DOCK7: variants seen among roughly 807,000 people sequenced by gnomAD.
DOCK7 encodes the protein dedicator of cytokinesis protein 7.
A neutral mutation model predicts 271.0 loss-of-function variants in DOCK7; 138 were observed. That is an observed-to-expected ratio of 0.51 (90% CI 0.44 to 0.59). The LOEUF is 0.59. Among genes scored for constraint, DOCK7 ranks in the 20% least tolerant of loss-of-function variants. DOCK7 has a pLI of 0.00. For synonymous variants in DOCK7, 823 were observed against 876.1 expected (o/e 0.94, Z 1.07); for missense variants, 2,066 against 2,592.4 (o/e 0.80, Z 4.41).
intron 37 of DOCK7, among the ~76,000 whole-genome samples, chr1:62,503,907 C>A (rs899012252): frequency 1.3e-5 from 2 of 151,942 alleles, no homozygotes; most frequent in East Asian, 3.9e-4. Context: ...ATTAGCTGGG[C>A]GTGGTGGCGG....
At chr1:62,610,609 C>T (rs1651647846) in intron 14 of DOCK7, among the ~76,000 whole-genome samples, 1 of 152,088 alleles carries the variant, frequency 6.6e-6, no homozygotes, top group South Asian at 2.1e-4. Context: ...AATGCTATCC[C>T]TCCCCTAGCC....
In DOCK7 at chr1:62,670,071, T is replaced by C. The variant is rs527919374; in HGVS notation, c.39-6941A>G. Among the ~76,000 whole-genome samples the C allele has an allele frequency of 8.5e-5, 13 of 152,366 alleles. No homozygotes were observed. The East Asian group carries it at 2.5e-3, about 29-fold the overall frequency. On this transcript the variant is annotated intron_variant, in intron 1 of 49. Coordinates refer to ENST00000635253, the MANE Select transcript of DOCK7 (RefSeq NM_001367561.1). ...GAGGGTGTACTGGGTCCCCCAGCAG[T>C]GCCGGCCCACCGGTGCTGCGCTCGA...
intron 49 of DOCK7, among the ~76,000 whole-genome samples, chr1:62,456,183 T>C (rs1393037058): frequency 1.3e-5 from 2 of 152,222 alleles, no homozygotes; most frequent in African/African-American, 4.8e-5. Flanking sequence ...ATGAAATTAG[T>C]TTTGACTTAG....
intron 14 of DOCK7, among the ~76,000 whole-genome samples, chr1:62,590,616 C>T (rs1001754583): frequency 2.0e-5 from 3 of 152,054 alleles, no homozygotes; most frequent in Admixed American, 2.0e-4. Flanking sequence ...ATGATAAATG[C>T]TGTGAACACA....
At chr1:62,478,107 GTT>G (rs1315761847) in intron 43 of DOCK7, 1 of 275,766 alleles carries the variant, frequency 3.6e-6, no homozygotes, top group African/African-American at 2.2e-5. Flanking sequence ...ATTGGTCTAT[GTT>G]TTTTAAATCT....
At chr1:62,669,910 G>C (rs555542925) in intron 1 of DOCK7, among the ~76,000 whole-genome samples, 28 of 152,300 alleles carry the variant, frequency 1.8e-4, no homozygotes, top group African/African-American at 6.7e-4. Flanking sequence ...AGCGGGAACC[G>C]GGGCTGTGTG....
At chr1:62,475,082 G>C in intron 47 of DOCK7, 126 bp downstream of exon 47, 1 of 1,061,080 alleles carries the variant, frequency 9.4e-7, no homozygotes, top group Non-Finnish European at 1.3e-6. Context: ...GATCGCATAG[G>C]TAGAAAAATA....
intron 43 of DOCK7, chr1:62,481,612 G>A (rs995402180): frequency 7.3e-5 from 11 of 150,682 alleles, no homozygotes; most frequent in African/African-American, 2.4e-4. Flanking sequence ...TTTCTTTACT[G>A]TTATGAATCC....
intron 31 of DOCK7, among the ~76,000 whole-genome samples, chr1:62,521,271 T>A (rs1399465596): frequency 6.6e-6 from 1 of 151,834 alleles, no homozygotes; most frequent in East Asian, 1.9e-4. Flanking sequence ...GGGAAAAAAA[T>A]GTTACATATA....
At chr1:62,549,837 T>A (rs1645835413) in intron 22 of DOCK7, among the ~76,000 whole-genome samples, 1 of 152,150 alleles carries the variant, frequency 6.6e-6, no homozygotes, top group Non-Finnish European at 1.5e-5. Context: ...CCCTTCCCAG[T>A]CTTTGGTAAC....
chr1:62,671,398 A>G (rs1335685462), intron 1 of DOCK7, among the ~76,000 whole-genome samples: 4 of 152,196 alleles, frequency 2.6e-5, no homozygotes, highest in African/African-American at 4.8e-5. Flanking sequence ...GAATGGAACA[A>G]CTTACGAGAG....
chr1:62,537,360 G>T (rs1212618568), intron 28 of DOCK7, among the ~76,000 whole-genome samples: 1 of 151,936 alleles, frequency 6.6e-6, no homozygotes, highest in East Asian at 1.9e-4. Context: ...GAGGCCGGCA[G>T]ATCAAGAGGT....
chr1:62,661,097 G>GA (rs759373674), intron 2 of DOCK7, among the ~76,000 whole-genome samples: 1,253 of 116,384 alleles, frequency 0.011, 7 homozygotes, highest in Middle Eastern at 0.023. Context: ...GAACCTGTCT[G>GA]AAAAAAAAAA....
chr1:62,547,265 C>T (rs902313473), intron 22 of DOCK7, among the ~76,000 whole-genome samples: 1 of 152,152 alleles, frequency 6.6e-6, no homozygotes, highest in Non-Finnish European at 1.5e-5. Flanking sequence ...TTCCATAATT[C>T]AGGTGTTATA....
chr1:62,489,952 C>T (rs1021614594), intron 41 of DOCK7, among the ~76,000 whole-genome samples: 1 of 152,046 alleles, frequency 6.6e-6, no homozygotes, highest in African/African-American at 2.4e-5. Flanking sequence ...TTTTGAGCCA[C>T]CAGATTTCCT....
In DOCK7 at chr1:62,539,848, C is replaced by T; in HGVS notation, c.3090G>A (p.Glu1030=). 1 of 1,613,176 alleles carries T rather than the reference C, an allele frequency of 6.2e-7. No individual in the cohort carries two copies. The highest frequency in any genetic ancestry group is 1.3e-5 in the African/African-American group (1 of 74,958). Residue 1030 remains glutamate, a synonymous_variant, in exon 26 of 50, where the codon GAG becomes GAA. Transcript: ENST00000635253. ...VHHLYFNDKL[E]APRKSRFPER... is the part of the protein sequence containing the mutation. Reference sequence around the variant, plus strand: ...CTGGAAAACGACTTTTCCTTGGAGCCTCAAGTTTATCATTAAAGTATAAAT... The same window carrying T: ...CTGGAAAACGACTTTTCCTTGGAGCTTCAAGTTTATCATTAAAGTATAAAT...
At chr1:62,513,273 G>T in intron 33 of DOCK7, among the ~76,000 whole-genome samples, 171 bp downstream of exon 33, 1 of 126,578 alleles carries the variant, frequency 7.9e-6, no homozygotes. Flanking sequence ...GGGGCGGTAT[G>T]CTGACTCACC....
chr1:62,490,893 G>A (rs1646446867), intron 41 of DOCK7, among the ~76,000 whole-genome samples: 1 of 152,070 alleles, frequency 6.6e-6, no homozygotes, highest in Non-Finnish European at 1.5e-5. Context: ...TTTTAAAAGA[G>A]GATCGACACC....
At chr1:62,640,321 G>T (rs1431536938) in intron 7 of DOCK7, among the ~76,000 whole-genome samples, 3 of 151,998 alleles carry the variant, frequency 2.0e-5, no homozygotes, top group Non-Finnish European at 4.4e-5. Context: ...AGACCATCCT[G>T]GCCAACATGG....
Sources: allele counts gnomAD v4.1 joint callset (sites outside exome capture counted in the v4.1 genomes callset), GRCh38; gene constraint gnomAD v4.1.1; transcripts MANE v1.5; gene names NCBI Gene and HGNC (gene_info 2026-07-23, HGNC 2026-07-21).